The following ALOX5AP variants were observed in gnomAD, a reference collection of about 807,000 sequenced individuals.
ALOX5AP encodes the protein arachidonate 5-lipoxygenase activating protein, also known as arachidonate 5-lipoxygenase-activating protein.
In ALOX5AP, 9 loss-of-function variants were observed where a neutral mutation model predicts 18.5. The ratio of observed to expected loss-of-function variants is 0.49; its 90% CI spans 0.29 to 0.85. The LOEUF (loss-of-function observed/expected upper bound fraction) is 0.85, where lower values mean the gene tolerates loss of function less well. Ranked by LOEUF, ALOX5AP falls within the 40% of genes least tolerant of loss-of-function variation. The pLI is 0.08. For missense variants in ALOX5AP, 172 were observed against 202.5 expected, an observed-to-expected ratio of 0.85 and a Z score of 0.91; for synonymous variants, 81 against 78.6, an observed-to-expected ratio of 1.03 and a Z score of -0.16.
chr13:30,746,071 C>G (rs1044383962), intron 2 of ALOX5AP, among the ~76,000 whole-genome samples: 3 of 152,224 alleles, frequency 2.0e-5, no homozygotes, highest in African/African-American at 7.2e-5. Context: ...CGGGAGTGAA[C>G]AGCTCTGTTT....
chr13:30,753,723 T>C (rs1164340590), intron 3 of ALOX5AP, among the ~76,000 whole-genome samples: 1 of 152,210 alleles, frequency 6.6e-6, no homozygotes, highest in Non-Finnish European at 1.5e-5. Context: ...TGTACCCTCC[T>C]GGTGCCAGCA....
intron 2 of ALOX5AP, among the ~76,000 whole-genome samples, chr13:30,747,429 C>T (rs1298454217): frequency 3.9e-5 from 6 of 152,148 alleles, no homozygotes; most frequent in African/African-American, 1.4e-4. Flanking sequence ...CGCCTTGGCC[C>T]CTCAAAGTGT....
At position 30,764,072 on chromosome 13, in the gene ALOX5AP, C is replaced by G. The variant is rs1305227530; in HGVS notation, c.452C>G (p.Ser151Cys). Reference protein sequence around the residue: ...SDFENYIKTISTTISPLLLIP With the variant: ...SDFENYIKTICTTISPLLLIP The stretch of plus-strand genomic sequence containing the variant: ...TTTGAAAACTACATAAAGACGATCT[C>G]CACCACCATCTCCCCTCTACTTCTC... The change falls in exon 5 of 5, where the codon TCC (serine) becomes TGC (cysteine). Residue 151 changes from serine (S) to cysteine (C), a missense_variant. Ser to Cys is a moderately radical substitution (Grantham distance 112). Coordinates refer to ENST00000380490, the MANE Select transcript of ALOX5AP (RefSeq NM_001629.4). 6.2e-7 allele frequency: 1 copy of G among 1,614,076 alleles called. No homozygotes were observed. Among genetic ancestry groups the G allele is most frequent in the Middle Eastern group, 1.6e-4 (1 of 6,062 alleles).
intron 1 of ALOX5AP, 38 bp from the exon 2 acceptor site, chr13:30,744,022 C>T (rs756542676): frequency 1.3e-6 from 2 of 1,562,736 alleles, no homozygotes; most frequent in South Asian, 2.2e-5. Context: ...CCTGAACATG[C>T]CCACAATGAA....
intron 1 of ALOX5AP, among the ~76,000 whole-genome samples, chr13:30,729,806 C>A (rs1387633875): frequency 1.3e-5 from 2 of 152,176 alleles, no homozygotes; most frequent in African/African-American, 4.8e-5. Flanking sequence ...GAACTCCTGA[C>A]CTCAGGTGAT....
At chr13:30,761,452 G>A (rs985099981) in intron 4 of ALOX5AP, among the ~76,000 whole-genome samples, 16 of 152,194 alleles carry the variant, frequency 1.1e-4, no homozygotes, top group East Asian at 5.8e-4. Flanking sequence ...GAGCCACCAC[G>A]ATATTTGACT....
intron 1 of ALOX5AP, among the ~76,000 whole-genome samples, chr13:30,725,510 A>G (rs1951632664): frequency 6.6e-6 from 1 of 152,268 alleles, no homozygotes; most frequent in African/African-American, 2.4e-5. Flanking sequence ...ATTTGGCTCC[A>G]GCCATTGCTG....
intron 4 of ALOX5AP, among the ~76,000 whole-genome samples, chr13:30,762,350 A>C (rs1951948599): frequency 6.6e-6 from 1 of 152,198 alleles, no homozygotes; most frequent in African/African-American, 2.4e-5. Context: ...GCACTTTGGG[A>C]GGCCGAGGTG....
chr13:30,721,101 G>A (rs575629443), intron 1 of ALOX5AP, among the ~76,000 whole-genome samples: 13 of 152,234 alleles, frequency 8.5e-5, no homozygotes, highest in African/African-American at 2.6e-4. Flanking sequence ...TGGACTCTTC[G>A]TTGATCCCAC....
intron 1 of ALOX5AP, among the ~76,000 whole-genome samples, chr13:30,727,526 C>T (rs143979863): frequency 7.6e-4 from 115 of 152,290 alleles, no homozygotes; most frequent in African/African-American, 2.7e-3. Context: ...AGACATTTCA[C>T]ATGAGATGAG....
intron 1 of ALOX5AP, among the ~76,000 whole-genome samples, chr13:30,736,181 CT>C (rs17245421): frequency 1.3e-5 from 2 of 151,568 alleles, no homozygotes; most frequent in Admixed American, 1.3e-4. Flanking sequence ...TTACTTTTTT[CT>C]TTTTTTCTCC....
At position 30,749,417 on chromosome 13, in the gene ALOX5AP, G is replaced by T. The variant is rs900637297; in HGVS notation, c.171-2635G>T. On this transcript the variant is annotated intron_variant, in intron 2 of 4. Coordinates refer to ENST00000380490, the MANE Select transcript of ALOX5AP (RefSeq NM_001629.4). ...CAGATATTTTACCCCATCAGACACA[G>T]AATGTTATTCGAATAACCAAAAAAG... Among the ~76,000 whole-genome samples, 3 of 152,162 alleles carry T rather than the reference G, an allele frequency of 2.0e-5. No individual in the cohort carries two copies. In the East Asian group the frequency reaches 5.8e-4, roughly 29 times the overall value.
chr13:30,761,671 G>C (rs953570320), intron 4 of ALOX5AP, among the ~76,000 whole-genome samples: 10 of 152,172 alleles, frequency 6.6e-5, no homozygotes, highest in Admixed American at 1.3e-4. Flanking sequence ...AGAAGTCCAA[G>C]ATCAAAGTGT....
chr13:30,763,707 G>A (rs1026346144), intron 4 of ALOX5AP, among the ~76,000 whole-genome samples: 26 of 152,154 alleles, frequency 1.7e-4, no homozygotes, highest in East Asian at 5.8e-4. Flanking sequence ...CAGAGCCCTC[G>A]TGGTAATGGG....
intron 4 of ALOX5AP, among the ~76,000 whole-genome samples, chr13:30,758,042 G>A (rs1593445499): frequency 1.3e-5 from 2 of 151,978 alleles, no homozygotes; most frequent in East Asian, 3.9e-4. Context: ...GATGAATCAT[G>A]GTGCTCTTTC....
chr13:30,764,100 T>A lies in ALOX5AP; in HGVS notation c.480T>A (p.Ile160=). ...CCACCATCTCCCCTCTACTTCTCAT[T>A]CCCTAACTCTCTGCTGAATATGGGG... is the stretch of plus-strand genomic sequence containing the variant. ...ISTTISPLLL[I]P Residue 160 remains isoleucine, a synonymous_variant, in exon 5 of 5, where the codon ATT becomes ATA. Transcript: ENST00000380490. The A allele has an allele frequency of 6.2e-7, 1 of 1,613,788 alleles. No individual in the cohort carries two copies. The highest frequency in any genetic ancestry group is 8.5e-7 in the Non-Finnish European group (1 of 1,179,828).
chr13:30,714,924 A>G (rs1329118124), intron 1 of ALOX5AP, among the ~76,000 whole-genome samples: 1 of 152,070 alleles, frequency 6.6e-6, no homozygotes, highest in Admixed American at 6.6e-5. Context: ...CCCCGCTTAG[A>G]GCTGTGTCAA....
chr13:30,725,976 T>C (rs1025842861), intron 1 of ALOX5AP, among the ~76,000 whole-genome samples: 2 of 152,184 alleles, frequency 1.3e-5, no homozygotes, highest in East Asian at 1.9e-4. Context: ...CAATATATGA[T>C]GCTATTTCTC....
intron 1 of ALOX5AP, among the ~76,000 whole-genome samples, chr13:30,741,834 T>TTTG (rs1951768624): frequency 6.6e-6 from 1 of 150,762 alleles, no homozygotes; most frequent in African/African-American, 2.4e-5. Flanking sequence ...GTTTTCTGTT[T>TTTG]TTTTTTTTTT....
Sources: allele counts gnomAD v4.1 joint callset (sites outside exome capture counted in the v4.1 genomes callset), GRCh38; gene constraint gnomAD v4.1.1; transcripts MANE v1.5; gene names NCBI Gene and HGNC (gene_info 2026-07-23, HGNC 2026-07-21).